POLN: variants seen among roughly 807,000 people sequenced by gnomAD.
The protein encoded by POLN is DNA polymerase nu, also known as DNA polymerase N.
POLN carries 108 observed loss-of-function variants against 113.5 expected under a neutral mutation model. The observed-to-expected ratio is 0.95, with a 90% confidence interval of 0.81 to 1.12. The LOEUF is 1.12. POLN is among the 50% of genes most tolerant of loss of function. The pLI, the probability that POLN is intolerant of heterozygous loss-of-function variation, is 0.00. For synonymous variants in POLN, 386 were observed against 391.5 expected (o/e 0.99, Z 0.17); for missense variants, 1,097 against 1,077.1 (o/e 1.02, Z -0.26).
At chr4:2,080,876 T>C (rs1577679161) in intron 23 of POLN, 82 bp downstream of exon 23, 6 of 1,607,002 alleles carry the variant, frequency 3.7e-6, no homozygotes, top group African/African-American at 2.7e-5. Flanking sequence ...ATGGTGATCA[T>C]CAGAATCACG....
chr4:2,117,268 T>C (rs1412699794), intron 19 of POLN, among the ~76,000 whole-genome samples: 1 of 152,252 alleles, frequency 6.6e-6, no homozygotes, highest in African/African-American at 2.4e-5. Flanking sequence ...GCAAGCCACG[T>C]GGCTAACCCT....
intron 16 of POLN, among the ~76,000 whole-genome samples, chr4:2,151,491 C>G (rs1398448732): frequency 6.6e-6 from 1 of 152,172 alleles, no homozygotes; most frequent in Non-Finnish European, 1.5e-5. Flanking sequence ...AAGTATCTAT[C>G]CATGTAAGGA....
At chr4:2,092,765 G>A (rs1241242059) in intron 20 of POLN, among the ~76,000 whole-genome samples, 5 of 152,346 alleles carry the variant, frequency 3.3e-5, no homozygotes, top group Middle Eastern at 3.4e-3. Context: ...ACTACAATCC[G>A]CTGAAAGCTG....
At chr4:2,104,782 G>A (rs1731011743) in intron 19 of POLN, among the ~76,000 whole-genome samples, 1 of 152,180 alleles carries the variant, frequency 6.6e-6, no homozygotes, top group African/African-American at 2.4e-5. Context: ...GAAAGAGGAA[G>A]AGCCCCATGA....
intron 2 of POLN, chr4:2,241,004 G>A: frequency 1.5e-6 from 2 of 1,306,368 alleles, no homozygotes; most frequent in Non-Finnish European, 2.1e-6. Flanking sequence ...TTGATTTTTA[G>A]AAAATAAATC....
intron 13 of POLN, among the ~76,000 whole-genome samples, chr4:2,163,806 G>T (rs1285755136): frequency 6.6e-6 from 1 of 152,234 alleles, no homozygotes. Flanking sequence ...TCAGCTGGCA[G>T]CTTCCAAGTG....
intron 11 of POLN, 75 bp downstream of exon 11, chr4:2,173,880 A>T: frequency 7.3e-7 from 1 of 1,374,828 alleles, no homozygotes; most frequent in Non-Finnish European, 1.0e-6. Flanking sequence ...AATCTACTCT[A>T]GACCTGCCAC....
At chr4:2,239,166 A>G in intron 2 of POLN, 1 of 528,422 alleles carries the variant, frequency 1.9e-6, no homozygotes, top group Non-Finnish European at 3.2e-6. Context: ...AACTAATTTA[A>G]TATTCATATA....
intron 19 of POLN, among the ~76,000 whole-genome samples, chr4:2,107,042 T>G (rs950879428): frequency 6.6e-6 from 1 of 152,106 alleles, no homozygotes; most frequent in Non-Finnish European, 1.5e-5. Context: ...TCTGTGCTAT[T>G]CTATTTTTCA....
intron 16 of POLN, among the ~76,000 whole-genome samples, chr4:2,150,717 G>A (rs1045976808): frequency 3.3e-5 from 5 of 152,068 alleles, no homozygotes; most frequent in East Asian, 1.9e-4. Context: ...AGACAAAGGC[G>A]CCAAGGTAAT....
intron 5 of POLN, among the ~76,000 whole-genome samples, chr4:2,201,277 CAAAAAAAAAAA>C (rs35399602): frequency 1.3e-4 from 2 of 15,834 alleles, no homozygotes; most frequent in Non-Finnish European, 1.7e-4. Flanking sequence ...CCTACCACTC[CAAAAAAAAAAA>C]AAAAAAAAAA....
chr4:2,149,944 G>A (rs1401439105), intron 16 of POLN, among the ~76,000 whole-genome samples: 2 of 151,978 alleles, frequency 1.3e-5, no homozygotes, highest in African/African-American at 2.4e-5. Flanking sequence ...TTAGCTGGGT[G>A]TGGTGGTGGG....
intron 20 of POLN, among the ~76,000 whole-genome samples, chr4:2,092,542 C>G (rs1034080180): frequency 3.3e-5 from 5 of 152,340 alleles, no homozygotes; most frequent in East Asian, 3.9e-4. Flanking sequence ...CCAGCTCCCC[C>G]ACGGTGGCTG....
intron 16 of POLN, among the ~76,000 whole-genome samples, chr4:2,135,830 A>G (rs898115466): frequency 6.6e-6 from 1 of 152,202 alleles, no homozygotes; most frequent in Non-Finnish European, 1.5e-5. Context: ...GTCACAGACC[A>G]ACACCACGTG....
rs764440828 is a variant in POLN, at chr4:2,072,932, C to G, written c.2517+36G>C. On this transcript the variant is annotated intron_variant, in intron 25 of 25. Transcript: ENST00000511885. ...GGTGCTGGCCTCCCCTCACCCTGGG[C>G]TCCGGAAGACCGGGCAGGCTTAAGT... is the stretch of plus-strand genomic sequence containing the variant. 3.7e-6 allele frequency: 6 copies of G among 1,609,050 alleles called. No homozygotes were observed. The African/African-American group carries it at 6.7e-5, about 18-fold the overall frequency.
chr4:2,198,482 G>T (rs1052360991), intron 6 of POLN, 42 bp downstream of exon 6: 21 of 1,515,426 alleles, frequency 1.4e-5, no homozygotes, highest in Middle Eastern at 1.9e-4. Context: ...TATAAAGCAG[G>T]CATGTAAGTA....
chr4:2,157,875 G>C lies in POLN; in HGVS notation c.1648C>G (p.Leu550Val), dbSNP rs762887357. 8 of 1,608,038 alleles carry C rather than the reference G, an allele frequency of 5.0e-6. No homozygotes were observed. Among genetic ancestry groups the C allele is most frequent in the Non-Finnish European group, 6.8e-6 (8 of 1,175,360 alleles). Residue 550 changes from leucine (L) to valine (V), a missense_variant, in exon 15 of 26, where the codon CTA becomes GTA. By Grantham distance (32) the Leu-to-Val change is conservative. Transcript: ENST00000511885. ...CTTGTTACCTTTTTCATGCAAGCTA[G>C]TAATCCATCTACAAAGGTTGACTTG... ...KIKSTFVDGLLACMKKGSISS... is the reference protein window; with the variant it reads ...KIKSTFVDGLVACMKKGSISS...
chr4:2,138,870 G>A (rs1456833879), intron 16 of POLN, among the ~76,000 whole-genome samples: 2 of 151,658 alleles, frequency 1.3e-5, no homozygotes, highest in Non-Finnish European at 2.9e-5. Flanking sequence ...CTCCAGCCTG[G>A]GCAACAGAGT....
At chr4:2,147,383 GAC>G (rs776491329) in intron 16 of POLN, among the ~76,000 whole-genome samples, 4 of 152,202 alleles carry the variant, frequency 2.6e-5, no homozygotes, top group Non-Finnish European at 4.4e-5. Flanking sequence ...CGTAAAAAAT[GAC>G]AGTTCTAAGA....
Sources: allele counts gnomAD v4.1 joint callset (sites outside exome capture counted in the v4.1 genomes callset), GRCh38; gene constraint gnomAD v4.1.1; transcripts MANE v1.5; gene names NCBI Gene and HGNC (gene_info 2026-07-23, HGNC 2026-07-21).